Variants in DSC1 observed in about 807,000 individuals in gnomAD.
DSC1 encodes the protein desmocollin-1.
In DSC1, 79 loss-of-function variants were observed where a neutral mutation model predicts 98.8. The observed-to-expected ratio is 0.80, with a 90% CI of 0.67 to 0.96. DSC1 has a LOEUF of 0.96. Among genes scored for constraint, DSC1 ranks in the 50% least tolerant of loss-of-function variants. The pLI, the probability that DSC1 is intolerant of heterozygous loss-of-function variation, is 0.00. For missense variants in DSC1, 1,115 were observed against 1,075.9 expected, an observed-to-expected ratio of 1.04 and a Z score of -0.51; for synonymous variants, 405 against 372.1, an observed-to-expected ratio of 1.09 and a Z score of -1.02.
intron 5 of DSC1, 113 bp downstream of exon 5, chr18:31,154,661 T>G: frequency 2.0e-6 from 2 of 1,005,034 alleles, no homozygotes; most frequent in Non-Finnish European, 2.8e-6. Flanking sequence ...TATTAATATC[T>G]TGAATATTAA....
chr18:31,141,032 G>A (rs759014005), intron 9 of DSC1, among the ~76,000 whole-genome samples: 4 of 152,100 alleles, frequency 2.6e-5, no homozygotes, highest in African/African-American at 4.8e-5. Context: ...GCCACCATGT[G>A]AGAAGTGCCT....
At chr18:31,148,177 A>G (rs1352220449) in intron 6 of DSC1, among the ~76,000 whole-genome samples, 2 of 152,144 alleles carry the variant, frequency 1.3e-5, no homozygotes, top group African/African-American at 2.4e-5. Context: ...CCAAACACCA[A>G]CTTCAGCAAC....
chr18:31,143,184 G>A (rs1988771280), intron 8 of DSC1, among the ~76,000 whole-genome samples: 1 of 151,544 alleles, frequency 6.6e-6, no homozygotes, highest in South Asian at 2.1e-4. Context: ...ACCGCCTAAG[G>A]AAAAGTTTAC....
intron 13 of DSC1, among the ~76,000 whole-genome samples, chr18:31,133,078 T>A (rs1218082660): frequency 2.6e-5 from 4 of 152,144 alleles, no homozygotes; most frequent in Non-Finnish European, 5.9e-5. Flanking sequence ...ATAAAATTGG[T>A]GTCTGGTTTC....
At position 31,154,873 on chromosome 18, in the gene DSC1, G is replaced by C; in HGVS notation, c.528C>G (p.Gly176=). The C allele has an allele frequency of 6.2e-7, 1 of 1,613,938 alleles. No homozygotes were observed. The highest frequency in any genetic ancestry group is 8.5e-7 in the Non-Finnish European group (1 of 1,179,942). ...ACAAATTGAAGGGTTCTTTGTCCAC[G>C]CCTGGCCCACTTATGGAATAAAAGA... ...YTIFYSISGP[G]VDKEPFNLFY... is the part of the protein sequence containing the mutation. Residue 176 remains glycine (G), a synonymous_variant, in exon 5 of 16, where the codon GGC becomes GGG. Transcript: ENST00000257198.
intron 13 of DSC1, among the ~76,000 whole-genome samples, chr18:31,133,293 T>C (rs1988535958): frequency 1.3e-5 from 2 of 152,096 alleles, no homozygotes; most frequent in South Asian, 4.1e-4. Context: ...GCAGTCTTAA[T>C]TAAGCGTGGG....
chr18:31,161,909 C>T (rs779265488), intron 1 of DSC1, among the ~76,000 whole-genome samples: 2 of 152,036 alleles, frequency 1.3e-5, no homozygotes, highest in African/African-American at 2.4e-5. Context: ...AAATGATGGA[C>T]GGATGTGTGA....
intron 8 of DSC1, 83 bp from the exon 9 acceptor site, chr18:31,142,267 A>G: frequency 6.9e-7 from 1 of 1,440,438 alleles, no homozygotes; most frequent in Non-Finnish European, 9.4e-7. Context: ...TTAAAGAAAA[A>G]AATAAATAAA....
In DSC1 at chr18:31,157,442, T is replaced by C. The variant is rs750689003; in HGVS notation, c.280A>G (p.Ile94Val). 5 of 1,614,154 alleles carry C rather than the reference T, an allele frequency of 3.1e-6. No individual in the cohort carries two copies. Among genetic ancestry groups the C allele is most frequent in the South Asian group, 1.1e-5 (1 of 91,090 alleles). Residue 94 changes from isoleucine to valine, a missense_variant, in exon 3 of 16, where the codon ATT becomes GTT. By Grantham distance (29) the Ile-to-Val change is conservative. Transcript: ENST00000257198. ...ILSSERKSFS[I>V]FLSDGQRREQ... ...CGTCTCTGACCATCTGAAAGGAAAA[T>C]GGAAAAACTTTTCCTTTCAGAAGAC...
At chr18:31,133,028 A>G (rs552199904) in intron 13 of DSC1, among the ~76,000 whole-genome samples, 1 of 152,288 alleles carries the variant, frequency 6.6e-6, no homozygotes, top group Admixed American at 6.5e-5. Context: ...TAACAAGACT[A>G]AGAACATTAG....
At position 31,162,583 on chromosome 18, in the gene DSC1, G is replaced by A. The variant is rs763408925; in HGVS notation, c.12C>T (p.Ala4=). 1.9e-6 allele frequency: 3 copies of A among 1,614,158 alleles called. No homozygotes were observed. Among genetic ancestry groups the A allele is most frequent in the East Asian group, 2.2e-5 (1 of 44,878 alleles). MAL[A]SAAPGSIFCK... ...AGAAGATGCTCCCTGGGGCAGCAGA[G>A]GCCAGAGCCATCAGAAGCAGTCCCA... The change falls in exon 1 of 16, where the codon GCC becomes GCT. Residue 4 remains alanine, a synonymous_variant. Coordinates refer to ENST00000257198, the MANE Select transcript of DSC1 (RefSeq NM_024421.2).
At chr18:31,137,454 A>T (rs1450831950) in intron 11 of DSC1, among the ~76,000 whole-genome samples, 2 of 152,108 alleles carry the variant, frequency 1.3e-5, no homozygotes, top group East Asian at 3.9e-4. Context: ...TAACGTGGAG[A>T]TTCATAGGAC....
chr18:31,158,155 G>A (rs6506890), intron 2 of DSC1, among the ~76,000 whole-genome samples: 1 of 151,680 alleles, frequency 6.6e-6, no homozygotes, highest in Admixed American at 6.6e-5. Flanking sequence ...TAATTCCAGC[G>A]ACTCAGGAGG....
rs1598613859 is a variant in DSC1 at position 31,134,727 on chromosome 18, G to A, written c.1721C>T (p.Ala574Val). 2.5e-6 allele frequency: 4 copies of A among 1,613,158 alleles called. No homozygotes were observed. In the East Asian group the frequency reaches 8.9e-5, roughly 36 times the overall value. The change falls in exon 12 of 16, where the codon GCA becomes GTA. Residue 574 changes from alanine to valine, a missense_variant. By Grantham distance (64) the Ala-to-Val change is moderately conservative. Transcript: ENST00000257198. ...GGTCACTTCTTTGTCAATTTGAGGT[G>A]CGTGATCGTTGTAATCATCCAAATG... The part of the protein sequence containing the change: ...VVHLDDYNDH[A>V]PQIDKEVTIC...
chr18:31,154,276 C>A (rs1305599140), intron 5 of DSC1, among the ~76,000 whole-genome samples: 105 of 139,890 alleles, frequency 7.5e-4, no homozygotes, highest in South Asian at 6.8e-4. Flanking sequence ...GAAAGGGATG[C>A]AAAAAAAAAA....
intron 5 of DSC1, among the ~76,000 whole-genome samples, chr18:31,153,247 T>TA (rs1989034529): frequency 6.6e-6 from 1 of 152,122 alleles, no homozygotes; most frequent in Non-Finnish European, 1.5e-5. Context: ...TATTGCAACA[T>TA]ACAGAGTATG....
Position 31,139,781 on chromosome 18 carries a change from G to C in DSC1, c.1630C>G (p.Gln544Glu), listed in dbSNP as rs1291138646. 1.2e-6 allele frequency: 2 copies of C among 1,609,846 alleles called. No homozygotes were observed. Among genetic ancestry groups the C allele is most frequent in the Non-Finnish European group, 1.7e-6 (2 of 1,178,416 alleles). Residue 544 changes from glutamine to glutamate, a missense_variant, in exon 11 of 16, where the codon CAA (glutamine) becomes GAA (glutamate). Transcript: ENST00000257198. ...ACTGCAACAACTGAAATATTGTATT[G>C]GTTGTTTTTTACAAATTTGGATTCT... Reference protein sequence around the residue: ...DRESKFVKNNQYNISVVAVDA... With the variant: ...DRESKFVKNNEYNISVVAVDA...
rs1356653257 is a variant in DSC1, at chr18:31,156,028, A to G, written c.471+15T>C. On this transcript the variant is annotated intron_variant, in intron 4 of 15. Coordinates refer to ENST00000257198, the MANE Select transcript of DSC1 (RefSeq NM_024421.2). The stretch of plus-strand genomic sequence containing the variant: ...AAAATTTGGACACATATAAAATCAA[A>G]TAAGTGAAATGCACCTGCTGAACGT... 1 of 1,606,750 alleles carries G rather than the reference A, an allele frequency of 6.2e-7. No homozygotes were observed. The highest frequency in any genetic ancestry group is 1.1e-5 in the South Asian group (1 of 89,150).
rs757478824 is a variant in DSC1 at position 31,159,517 on chromosome 18, G to A, written c.76C>T (p.Leu26Phe). ...TAAACTTTCTGACAAGCATCGCAAA[G>A]TAATGTTAAAACCTCAAAAAAAAAA... The part of the protein sequence containing the change: ...LLFSLLVLTL[L>F]CDACQKVYLR... The change falls in exon 2 of 16, where the codon CTT (leucine) becomes TTT (phenylalanine). Residue 26 changes from leucine to phenylalanine, a missense_variant. By Grantham distance (22) the Leu-to-Phe change is conservative (BLOSUM62 0). Coordinates refer to ENST00000257198, the MANE Select transcript of DSC1 (RefSeq NM_024421.2). 2 of 1,548,960 alleles carry A rather than the reference G, an allele frequency of 1.3e-6. No homozygotes were observed. Among genetic ancestry groups the A allele is most frequent in the South Asian group, 1.1e-5 (1 of 88,340 alleles).
Sources: allele counts gnomAD v4.1 joint callset (sites outside exome capture counted in the v4.1 genomes callset), GRCh38; gene constraint gnomAD v4.1.1; transcripts MANE v1.5; gene names NCBI Gene and HGNC (gene_info 2026-07-23, HGNC 2026-07-21).